Variants in SYT16 observed in about 807,000 individuals in gnomAD.
The protein encoded by SYT16 is synaptotagmin 16, also known as synaptotagmin-16.
SYT16 carries 42 observed loss-of-function variants against 61.4 expected under a neutral mutation model. That is an observed-to-expected ratio of 0.68 (90% CI 0.53 to 0.89). The LOEUF is 0.89. SYT16 is among the 40% of genes least tolerant of loss of function. The pLI, the probability that SYT16 is intolerant of heterozygous loss-of-function variation, is 0.00. For synonymous variants in SYT16, 314 were observed against 302.3 expected (o/e 1.04, Z -0.40); for missense variants, 804 against 807.3 (o/e 1.00, Z 0.05).
In SYT16 at chr14:61,965,443, C is replaced by T. The variant is rs138094370; in HGVS notation, c.-324-4689C>T. ...AACTCTTTTGAAATAACCAAACTTG[C>T]CTTTCTCTAACCTCTCTCTAACTGA... On this transcript the variant is annotated intron_variant, in intron 1 of 7. Coordinates refer to ENST00000683842, the MANE Select transcript of SYT16 (RefSeq NM_001367656.1). Among the ~76,000 whole-genome samples the T allele has an allele frequency of 7.7e-3, 1,179 of 152,210 alleles. 5 individuals carry two copies. Among genetic ancestry groups the T allele is most frequent in the Middle Eastern group, 0.017 (5 of 294 alleles).
Position 62,051,621 on chromosome 14 carries a change from T to C in SYT16, c.524-17982T>C, listed in dbSNP as rs567246506. On this transcript the variant is annotated intron_variant, in intron 3 of 7. Transcript: ENST00000683842. ...TTCGGCCATCTTGGCTCCACCTCCC[T>C]GTATTTTTCTTTTTAAAATTGCATA... is the stretch of plus-strand genomic sequence containing the variant. 3.5e-4 allele frequency among the ~76,000 whole-genome samples: 54 copies of C among 152,366 alleles called. 1 individual carries two copies. The South Asian group carries it at 0.011, about 31-fold the overall frequency.
chr14:62,067,408 G>T (rs1298680701), intron 3 of SYT16, among the ~76,000 whole-genome samples: 1 of 152,088 alleles, frequency 6.6e-6, no homozygotes, highest in East Asian at 1.9e-4. Flanking sequence ...CGATGTGAAG[G>T]AGCCAGACAT....
intron 3 of SYT16, among the ~76,000 whole-genome samples, chr14:62,023,584 T>C (rs1444076861): frequency 6.6e-6 from 1 of 152,188 alleles, no homozygotes; most frequent in Non-Finnish European, 1.5e-5. Context: ...TGGTGGAATT[T>C]TGAACAGTGC....
intron 1 of SYT16, among the ~76,000 whole-genome samples, chr14:61,844,693 T>G (rs2046391180): frequency 6.6e-6 from 1 of 152,228 alleles, no homozygotes. Context: ...ACTGACTGAT[T>G]TGCATATGTT....
chr14:61,855,907 G>T (rs1015711683), intron 1 of SYT16, among the ~76,000 whole-genome samples: 3 of 152,090 alleles, frequency 2.0e-5, no homozygotes, highest in African/African-American at 7.2e-5. Context: ...TGACTCAGCT[G>T]AAAAAAAGAC....
At chr14:61,855,522 C>T (rs2046746265) in intron 1 of SYT16, among the ~76,000 whole-genome samples, 1 of 152,076 alleles carries the variant, frequency 6.6e-6, no homozygotes, top group Non-Finnish European at 1.5e-5. Context: ...TTGAATATCT[C>T]ATGTAATATA....
chr14:61,987,313 G>A (rs1317340583), intron 2 of SYT16, among the ~76,000 whole-genome samples: 1 of 152,144 alleles, frequency 6.6e-6, no homozygotes, highest in East Asian at 1.9e-4. Flanking sequence ...AACCAGGGAT[G>A]GCCTTCTGAG....
chr14:61,979,742 C>T (rs1053247085), intron 2 of SYT16, among the ~76,000 whole-genome samples: 11 of 152,042 alleles, frequency 7.2e-5, no homozygotes, highest in African/African-American at 7.2e-5. Flanking sequence ...ATTAGCTGGA[C>T]GTGGTGGCGT....
In SYT16 at chr14:62,080,989, T is replaced by G. The variant is rs1215407655; in HGVS notation, c.1149T>G (p.Ser383Arg). The G allele has an allele frequency of 6.2e-7, 1 of 1,613,250 alleles. No homozygotes were observed. Among genetic ancestry groups the G allele is most frequent in the Non-Finnish European group, 8.5e-7 (1 of 1,179,614 alleles). The change falls in exon 6 of 8, where the codon AGT becomes AGG. Residue 383 changes from serine (S) to arginine (R), a missense_variant. Transcript: ENST00000683842. Reference protein sequence around the residue: ...RAQGLPDKDRSGVNSWQVHVV... With the variant: ...RAQGLPDKDRRGVNSWQVHVV... Reference sequence around the variant, plus strand: ...AGGGCCTCCCAGATAAGGACCGAAGTGGTGTCAACTCCTGGCAAGTTCATG... The same window carrying G: ...AGGGCCTCCCAGATAAGGACCGAAGGGGTGTCAACTCCTGGCAAGTTCATG...
chr14:61,888,927 A>G (rs2048020838), intron 1 of SYT16, among the ~76,000 whole-genome samples: 1 of 152,228 alleles, frequency 6.6e-6, no homozygotes, highest in Non-Finnish European at 1.5e-5. Context: ...TGTCACATTT[A>G]GGTTTTGCGC....
chr14:61,830,332 G>C (rs867332765), intron 1 of SYT16, among the ~76,000 whole-genome samples: 1 of 152,164 alleles, frequency 6.6e-6, no homozygotes, highest in African/African-American at 2.4e-5. Flanking sequence ...ATTACATAAT[G>C]AGATTCTGGT....
At position 62,111,037 on chromosome 14, in the gene SYT16, A is replaced by G. The variant is rs2141044072; in HGVS notation, c.*10330A>G. On this transcript the variant is annotated 3_prime_UTR_variant, in exon 8 of 8. Transcript: ENST00000683842. ...AAAAATCATTTTTAAGGTACATCCAAGATTTCATAGCAATATTTTATTTGT... is the reference window on the plus strand; with the variant it reads ...AAAAATCATTTTTAAGGTACATCCAGGATTTCATAGCAATATTTTATTTGT... 6.6e-6 allele frequency: 1 copy of G among 152,218 alleles called. No individual in the cohort carries two copies. The highest frequency in any genetic ancestry group is 1.9e-4 in the East Asian group (1 of 5,192). The allele number at this position is 152,218 out of a possible 1,614,324, so 9.4% of individuals were successfully genotyped here.
At chr14:62,056,797 T>C (rs2140905704) in intron 3 of SYT16, among the ~76,000 whole-genome samples, 1 of 152,362 alleles carries the variant, frequency 6.6e-6, no homozygotes, top group Non-Finnish European at 1.5e-5. Flanking sequence ...AAGCAGTTGC[T>C]TTGCACTGGA....
chr14:61,905,417 A>G (rs571410837), intron 1 of SYT16, among the ~76,000 whole-genome samples: 1 of 152,364 alleles, frequency 6.6e-6, no homozygotes, highest in African/African-American at 2.4e-5. Context: ...TTATGCACCA[A>G]ACTATTATAT....
At chr14:62,082,635 C>G (rs2056748908) in intron 6 of SYT16, among the ~76,000 whole-genome samples, 1 of 152,194 alleles carries the variant, frequency 6.6e-6, no homozygotes. Context: ...GATGTCTCAG[C>G]TCTGCTCAGA....
intron 1 of SYT16, among the ~76,000 whole-genome samples, chr14:61,837,906 G>A (rs540259481): frequency 6.6e-6 from 1 of 152,274 alleles, no homozygotes; most frequent in African/African-American, 2.4e-5. Context: ...TTAGCTTTTT[G>A]AACTAATAGG....
At chr14:62,069,947 G>A (rs917836858) in intron 4 of SYT16, 132 bp downstream of exon 4, 4 of 1,058,688 alleles carry the variant, frequency 3.8e-6, no homozygotes, top group Admixed American at 4.6e-5. Flanking sequence ...GATGCATTAC[G>A]TGGAGCAAAG....
chr14:62,076,336 GGAA>G (rs1211256228), intron 5 of SYT16, among the ~76,000 whole-genome samples: 4 of 152,106 alleles, frequency 2.6e-5, no homozygotes, highest in African/African-American at 9.7e-5. Context: ...CAGGGATGGG[GGAA>G]GAAGGAGAGA....
At chr14:62,027,900 T>C (rs1447654490) in intron 3 of SYT16, among the ~76,000 whole-genome samples, 1 of 152,216 alleles carries the variant, frequency 6.6e-6, no homozygotes, top group African/African-American at 2.4e-5. Context: ...ATTTCTGAAA[T>C]GTTGCTCATT....
Sources: gnomAD v4.1 joint callset for allele counts (sites outside exome capture counted in the v4.1 genomes callset) on GRCh38, gnomAD v4.1.1 for gene constraint, MANE v1.5 for transcripts, NCBI Gene and HGNC (gene_info 2026-07-23, HGNC 2026-07-21) for gene names.